The following CYP27A1 variants were observed in gnomAD, a reference collection of about 807,000 sequenced individuals.
CYP27A1 encodes the protein cytochrome P450 family 27 subfamily A member 1, also known as sterol 26-hydroxylase, mitochondrial.
CYP27A1 carries 46 observed loss-of-function variants against 58.2 expected under a neutral mutation model. The ratio of observed to expected loss-of-function variants is 0.79; its 90% CI spans 0.62 to 1.01. CYP27A1 has a LOEUF of 1.01. Among genes scored for constraint, CYP27A1 ranks in the 50% least tolerant of loss-of-function variants. CYP27A1 has a pLI of 0.00. For synonymous variants in CYP27A1, 274 were observed against 285.1 expected (o/e 0.96, Z 0.39); for missense variants, 704 against 687.0 (o/e 1.02, Z -0.28).
intron 1 of CYP27A1, among the ~76,000 whole-genome samples, chr2:218,790,012 ACT>A (rs1474718214): frequency 2.6e-5 from 4 of 152,088 alleles, no homozygotes; most frequent in Non-Finnish European, 4.4e-5. Flanking sequence ...AGCATAAATG[ACT>A]CTATTTTGGT....
chr2:218,788,934 C>T (rs2105971389), intron 1 of CYP27A1, among the ~76,000 whole-genome samples: 2 of 152,304 alleles, frequency 1.3e-5, no homozygotes, highest in Admixed American at 1.3e-4. Flanking sequence ...ATCTGGTAGA[C>T]ATCTATAAAG....
At chr2:218,799,261 C>A (rs141259392) in intron 1 of CYP27A1, among the ~76,000 whole-genome samples, 1 of 152,222 alleles carries the variant, frequency 6.6e-6, no homozygotes. Flanking sequence ...CTAGACGCCG[C>A]GGTGAAGCCA....
intron 1 of CYP27A1, among the ~76,000 whole-genome samples, chr2:218,800,659 T>G (rs2105975370): frequency 6.6e-6 from 1 of 152,238 alleles, no homozygotes; most frequent in Non-Finnish European, 1.5e-5. Flanking sequence ...GAAGAAAATC[T>G]AAATCTTCCA....
Position 218,814,126 on chromosome 2 carries a change from C to G in CYP27A1, c.1123C>G (p.Pro375Ala). Residue 375 changes from proline (P) to alanine (A), a missense_variant, in exon 6 of 9, where the codon CCC becomes GCC. Pro to Ala is a conservative substitution (Grantham distance 27). Transcript: ENST00000258415. ...VVGVVPAGQVPQHKDFAHMPL... is the reference protein window; with the variant it reads ...VVGVVPAGQVAQHKDFAHMPL... Reference sequence around the variant, plus strand: ...GGGTGTGGTGCCAGCCGGGCAAGTGCCCCAGCACAAGGACTTTGCCCACAT... The same window carrying G: ...GGGTGTGGTGCCAGCCGGGCAAGTGGCCCAGCACAAGGACTTTGCCCACAT... The G allele has an allele frequency of 6.2e-7, 1 of 1,614,226 alleles. No individual in the cohort carries two copies. Among genetic ancestry groups the G allele is most frequent in the Non-Finnish European group, 8.5e-7 (1 of 1,180,048 alleles).
In CYP27A1 at chr2:218,799,493, A is replaced by G. The variant is rs530625865; in HGVS notation, c.256-10084A>G. On this transcript the variant is annotated intron_variant, in intron 1 of 8. Coordinates refer to ENST00000258415, the MANE Select transcript of CYP27A1 (RefSeq NM_000784.4). Reference sequence around the variant, plus strand: ...CGGCCATACCAAAGAACTGCCTCAAACTCCCCTCCCCAATATAAACCCCTC... The same window carrying G: ...CGGCCATACCAAAGAACTGCCTCAAGCTCCCCTCCCCAATATAAACCCCTC... 2.3e-4 allele frequency among the ~76,000 whole-genome samples: 35 copies of G among 151,332 alleles called. 1 individual carries two copies. The South Asian group carries it at 7.1e-3, about 31-fold the overall frequency.
At chr2:218,799,958 G>A (rs530919971) in intron 1 of CYP27A1, among the ~76,000 whole-genome samples, 156 of 152,102 alleles carry the variant, frequency 1.0e-3, no homozygotes, top group Non-Finnish European at 1.7e-3. Flanking sequence ...GAGAAGGAGG[G>A]ACTTGGGTTT....
At chr2:218,813,891 T>A (rs1032465535) in intron 5 of CYP27A1, 130 bp from the exon 6 acceptor site, 1 of 977,622 alleles carries the variant, frequency 1.0e-6, no homozygotes, top group Non-Finnish European at 1.6e-6. Flanking sequence ...TGAACCTGCA[T>A]GTTTTTTCCT....
At chr2:218,804,795 C>G (rs900458392) in intron 1 of CYP27A1, among the ~76,000 whole-genome samples, 13 of 152,206 alleles carry the variant, frequency 8.5e-5, no homozygotes, top group African/African-American at 3.1e-4. Flanking sequence ...CTTTTGGATA[C>G]TATCATTAGT....
At chr2:218,794,159 G>A (rs1005195262) in intron 1 of CYP27A1, among the ~76,000 whole-genome samples, 1 of 152,162 alleles carries the variant, frequency 6.6e-6, no homozygotes, top group South Asian at 2.1e-4. Context: ...CTCTGCAAAC[G>A]GGTAAACCTC....
rs1943779229 is a variant in CYP27A1 at position 218,815,268 on chromosome 2, T to A, written c.*238T>A. The A allele has an allele frequency of 1.9e-6, 1 of 536,324 alleles. No individual in the cohort carries two copies. The highest frequency in any genetic ancestry group is 3.4e-6 in the Non-Finnish European group (1 of 297,656). 33.2% of individuals were successfully genotyped at this position (536,324 alleles called of 1,614,324 possible). ...TGCTGTCCTTGGGTAGAATATAAAA[T>A]AAAGGGACTTTTATTTCTTATTGGA... On this transcript the variant is annotated 3_prime_UTR_variant, in exon 9 of 9. Transcript: ENST00000258415.
Position 218,786,428 on chromosome 2 carries a change from A to T in CYP27A1, c.255+3991A>T, listed in dbSNP as rs780190692. On this transcript the variant is annotated intron_variant, in intron 1 of 8. Coordinates refer to ENST00000258415, the MANE Select transcript of CYP27A1 (RefSeq NM_000784.4). The stretch of plus-strand genomic sequence containing the variant: ...TCAAAAACTGCATTAGCACACATAA[A>T]AGTAATAAAAATCAGCTTTGAGAAG... Among the ~76,000 whole-genome samples, 22 of 152,158 alleles carry T rather than the reference A, an allele frequency of 1.4e-4. 1 individual carries two copies. Among genetic ancestry groups the T allele is most frequent in the Non-Finnish European group, 2.5e-4 (17 of 68,022 alleles).
intron 1 of CYP27A1, among the ~76,000 whole-genome samples, chr2:218,807,252 C>T (rs556099775): frequency 9.2e-5 from 14 of 152,042 alleles, no homozygotes; most frequent in Non-Finnish European, 1.8e-4. Context: ...AGCCACTGTG[C>T]CCGGCCCTCC....
chr2:218,784,343 A>G (rs975047607), intron 1 of CYP27A1, among the ~76,000 whole-genome samples: 1 of 152,266 alleles, frequency 6.6e-6, no homozygotes, highest in Admixed American at 6.5e-5. Context: ...AAGTCACATA[A>G]GCAGGCTGCT....
chr2:218,787,035 C>T (rs901227844), intron 1 of CYP27A1, among the ~76,000 whole-genome samples: 13 of 152,170 alleles, frequency 8.5e-5, no homozygotes, highest in African/African-American at 2.2e-4. Flanking sequence ...AAGCAATTCA[C>T]CCACTTTGGC....
chr2:218,813,000 G>T lies in CYP27A1; in HGVS notation c.921G>T (p.Val307=). ...CAGCAGGGCCAGATGGCATCCAGGT[G>T]TCTGGCTACCTGCACTTCTTACTGG... ...LQAAGPDGIQ[V]SGYLHFLLAS... The change falls in exon 5 of 9, where the codon GTG becomes GTT. Residue 307 remains valine, a synonymous_variant. Transcript: ENST00000258415. 6.2e-7 allele frequency: 1 copy of T among 1,614,230 alleles called. No homozygotes were observed. Among genetic ancestry groups the T allele is most frequent in the East Asian group, 2.2e-5 (1 of 44,888 alleles).
At position 218,812,611 on chromosome 2, in the gene CYP27A1, G is replaced by A. The variant is rs144068826; in HGVS notation, c.706G>A (p.Asp236Asn). Residue 236 changes from aspartate to asparagine, a missense_variant, in exon 4 of 9, where the codon GAC becomes AAC. By Grantham distance (23) the Asp-to-Asn change is conservative. Coordinates refer to ENST00000258415, the MANE Select transcript of CYP27A1 (RefSeq NM_000784.4). ...IGCLQRSIPE[D>N]TVTFVRSIGL... Reference sequence around the variant, plus strand: ...CTGCCTGCAGCGATCCATCCCCGAGGACACCGTGACCTTCGTCAGATCCAT... The same window carrying A: ...CTGCCTGCAGCGATCCATCCCCGAGAACACCGTGACCTTCGTCAGATCCAT... 1.2e-6 allele frequency: 2 copies of A among 1,614,084 alleles called. No homozygotes were observed. Among genetic ancestry groups the A allele is most frequent in the Non-Finnish European group, 1.7e-6 (2 of 1,180,056 alleles).
At chr2:218,799,300 G>A (rs1266854582) in intron 1 of CYP27A1, among the ~76,000 whole-genome samples, 1 of 152,112 alleles carries the variant, frequency 6.6e-6, no homozygotes, top group African/African-American at 2.4e-5. Flanking sequence ...ACCTTGCTGT[G>A]ATAAGGAAAC....
chr2:218,787,755 C>T (rs1943453925), intron 1 of CYP27A1, among the ~76,000 whole-genome samples: 1 of 152,140 alleles, frequency 6.6e-6, no homozygotes, highest in South Asian at 2.1e-4. Flanking sequence ...AGATACAGTC[C>T]CCTCAACTTT....
At chr2:218,806,050 C>G (rs1415172776) in intron 1 of CYP27A1, 30 of 152,134 alleles carry the variant, frequency 2.0e-4, no homozygotes, top group Non-Finnish European at 7.4e-5. Context: ...AAAAATATAA[C>G]TTTTTTTCTG....
Sources: gnomAD v4.1 joint callset for allele counts (sites outside exome capture counted in the v4.1 genomes callset) on GRCh38, gnomAD v4.1.1 for gene constraint, MANE v1.5 for transcripts, NCBI Gene and HGNC (gene_info 2026-07-23, HGNC 2026-07-21) for gene names.